The following VPS13B variants were observed in gnomAD, a reference collection of about 807,000 sequenced individuals.
VPS13B encodes intermembrane lipid transfer protein VPS13B.
Under a neutral mutation model 426.4 loss-of-function variants are expected in VPS13B, and 285 were observed. That is an observed-to-expected ratio of 0.67 (90% CI 0.61 to 0.74). VPS13B has a LOEUF of 0.74. Among genes scored for constraint, VPS13B ranks in the 30% least tolerant of loss-of-function variants. VPS13B has a pLI of 0.00. For synonymous variants in VPS13B, 1,676 were observed against 1,676.4 expected (o/e 1.00, Z 0.01); for missense variants, 4,537 against 4,782.6 (o/e 0.95, Z 1.51).
rs575585107 is a variant in VPS13B, at chr8:99,302,112, G to A, written c.2824+26858G>A. ...AGGGGCATCAGATTTTCTGCTGCAC[G>A]AGGCTGTTCTGAAGTCATTATTCTA... On this transcript the variant is annotated intron_variant, in intron 19 of 61. Coordinates refer to ENST00000357162, the MANE Select transcript of VPS13B (RefSeq NM_152564.5). Among the ~76,000 whole-genome samples, 310 of 152,258 alleles carry A rather than the reference G, an allele frequency of 2.0e-3. 1 individual carries two copies. The highest frequency in any genetic ancestry group is 4.6e-3 in the South Asian group (22 of 4,816).
chr8:99,807,865 T>C (rs541676758), intron 43 of VPS13B, among the ~76,000 whole-genome samples: 104 of 148,164 alleles, frequency 7.0e-4, no homozygotes, highest in African/African-American at 2.4e-3. Flanking sequence ...AAATAATGTA[T>C]TCAGATTTAA....
chr8:99,065,358 A>T (rs1844427647), intron 3 of VPS13B, among the ~76,000 whole-genome samples: 1 of 152,226 alleles, frequency 6.6e-6, no homozygotes, highest in African/African-American at 2.4e-5. Context: ...CTGGTTCAGC[A>T]TACGTAAATC....
At chr8:99,347,309 T>G (rs1267784899) in intron 19 of VPS13B, 1 of 152,598 alleles carries the variant, frequency 6.6e-6, no homozygotes, top group Non-Finnish European at 1.5e-5. Context: ...CAGTGTGGGC[T>G]AGGTCGGGGT....
At chr8:99,470,658 G>A (rs1337742514) in intron 24 of VPS13B, among the ~76,000 whole-genome samples, 1 of 151,174 alleles carries the variant, frequency 6.6e-6, no homozygotes, top group Non-Finnish European at 1.5e-5. Flanking sequence ...TTGTAGAATA[G>A]AAAAGTCGAA....
chr8:99,807,268 CACAGAGTGAGCAGCTATCTAAA>C (rs1813448813), intron 43 of VPS13B, among the ~76,000 whole-genome samples: 1 of 152,208 alleles, frequency 6.6e-6, no homozygotes, highest in Non-Finnish European at 1.5e-5. Context: ...AAGCTGTGTA[CACAGAGTGAGCAGCTATCTAAA>C]ACTGAGCTCA....
At chr8:99,472,759 C>T (rs912375557) in intron 24 of VPS13B, among the ~76,000 whole-genome samples, 10 of 151,502 alleles carry the variant, frequency 6.6e-5, no homozygotes, top group Non-Finnish European at 8.9e-5. Flanking sequence ...TTTAAAAGAT[C>T]AACAAAATTG....
At chr8:99,709,311 G>T (rs559597491) in intron 36 of VPS13B, among the ~76,000 whole-genome samples, 2 of 152,158 alleles carry the variant, frequency 1.3e-5, no homozygotes, top group South Asian at 2.1e-4. Flanking sequence ...TGCTTAGTCA[G>T]CATGTAGACA....
chr8:99,516,956 G>A (rs1035838902), intron 29 of VPS13B, among the ~76,000 whole-genome samples: 1 of 152,112 alleles, frequency 6.6e-6, no homozygotes, highest in Admixed American at 6.6e-5. Flanking sequence ...TGTCAAAGAT[G>A]AGTGGTAAAC....
At chr8:99,182,995 T>A (rs1813024260) in intron 16 of VPS13B, among the ~76,000 whole-genome samples, 1 of 152,134 alleles carries the variant, frequency 6.6e-6, no homozygotes, top group Admixed American at 6.5e-5. Flanking sequence ...TACCTCGGCC[T>A]CCCAAAGTGC....
At chr8:99,529,732 G>A (rs968467985) in intron 30 of VPS13B, among the ~76,000 whole-genome samples, 1 of 152,140 alleles carries the variant, frequency 6.6e-6, no homozygotes, top group African/African-American at 2.4e-5. Flanking sequence ...ATTCAACACT[G>A]GTGTGTGAAT....
At chr8:99,575,590 T>C in intron 31 of VPS13B, 68 bp from the exon 32 acceptor site, 2 of 1,598,928 alleles carry the variant, frequency 1.3e-6, no homozygotes, top group Non-Finnish European at 1.7e-6. Context: ...CAAAGACTTG[T>C]ACAAATTTAA....
chr8:99,060,624 A>AC (rs1181886424), intron 3 of VPS13B, among the ~76,000 whole-genome samples: 1 of 151,744 alleles, frequency 6.6e-6, no homozygotes, highest in Non-Finnish European at 1.5e-5. Context: ...CAAAAAAAAA[A>AC]ATTGATTTAA....
chr8:99,575,675 A>G lies in VPS13B; in HGVS notation c.4967A>G (p.Glu1656Gly). 6.2e-7 allele frequency: 1 copy of G among 1,613,922 alleles called. No homozygotes were observed. The highest frequency in any genetic ancestry group is 8.5e-7 in the Non-Finnish European group (1 of 1,179,906). ...TCTTTTAGCATACGGCGGCATCAAG[A>G]AAGGAGAGCAATTTTGACCCCCGTT... ...NMASSIRRHQ[E>G]RRAILTPVLT... The change falls in exon 32 of 62, where the codon GAA (glutamate) becomes GGA (glycine). Residue 1656 changes from glutamate (E) to glycine (G), a missense_variant. Around this residue, in one of 2 missense-constraint regions of VPS13B, gnomAD observed 4,311 missense variants for 4,474.3 expected, o/e 0.96. Transcript: ENST00000357162.
intron 3 of VPS13B, among the ~76,000 whole-genome samples, chr8:99,064,800 TAA>T (rs1179305653): frequency 6.6e-6 from 1 of 152,024 alleles, no homozygotes; most frequent in East Asian, 1.9e-4. Context: ...CCAAGACACA[TAA>T]TTGTCAGATT....
At chr8:99,591,382 G>C (rs1826665566) in intron 33 of VPS13B, among the ~76,000 whole-genome samples, 1 of 151,922 alleles carries the variant, frequency 6.6e-6, no homozygotes, top group Non-Finnish European at 1.5e-5. Context: ...GTGTGAATTT[G>C]ATCCTGTCAT....
intron 14 of VPS13B, among the ~76,000 whole-genome samples, chr8:99,153,508 T>G (rs1787554513): frequency 6.6e-6 from 1 of 152,160 alleles, no homozygotes; most frequent in Non-Finnish European, 1.5e-5. Context: ...TTGCATTATA[T>G]TTTTACAACT....
intron 16 of VPS13B, among the ~76,000 whole-genome samples, chr8:99,189,967 A>G (rs1440443971): frequency 6.6e-6 from 1 of 152,134 alleles, no homozygotes; most frequent in East Asian, 1.9e-4. Context: ...GTTGATTGAT[A>G]GTACTGTTTT....
intron 33 of VPS13B, among the ~76,000 whole-genome samples, chr8:99,594,246 C>T (rs915357971): frequency 2.0e-5 from 3 of 151,542 alleles, no homozygotes; most frequent in Non-Finnish European, 1.5e-5. Context: ...TGTTGGAGTC[C>T]GGCAATAAAT....
Position 99,809,489 on chromosome 8 carries a change from C to T in VPS13B, c.8056C>T (p.Leu2686Phe), listed in dbSNP as rs773391546. Residue 2686 changes from leucine to phenylalanine, a missense_variant, in exon 44 of 62, where the codon CTC becomes TTC. Physicochemically the swap from Leu to Phe is conservative, Grantham distance 22 (BLOSUM62 0). This residue lies in a region of VPS13B where 4,311 missense variants were observed against 4,474.3 expected (regional missense o/e 0.96). Transcript: ENST00000357162. ...TIQYRGRTASLIIKVQQLNGV... is the reference protein window; with the variant it reads ...TIQYRGRTASFIIKVQQLNGV... ...TCAGTACAGGGGTCGAACTGCTTCTCTCATCATCAAGGTTCAGCAACTCAA... is the reference window on the plus strand; with the variant it reads ...TCAGTACAGGGGTCGAACTGCTTCTTTCATCATCAAGGTTCAGCAACTCAA... The T allele has an allele frequency of 3.7e-6, 6 of 1,613,896 alleles. No homozygotes were observed. Among genetic ancestry groups the T allele is most frequent in the Middle Eastern group, 1.6e-4 (1 of 6,080 alleles).
Sources: allele counts gnomAD v4.1 joint callset (sites outside exome capture counted in the v4.1 genomes callset), GRCh38; gene constraint gnomAD v4.1.1; regional missense constraint gnomAD v4.1.1; transcripts MANE v1.5; gene names NCBI Gene and HGNC (gene_info 2026-07-23, HGNC 2026-07-21).